KAZN: variants seen among roughly 807,000 people sequenced by gnomAD.
KAZN encodes kazrin, periplakin interacting protein.
KAZN carries 40 observed loss-of-function variants against 87.4 expected under a neutral mutation model. The ratio of observed to expected loss-of-function variants is 0.46; its 90% CI spans 0.36 to 0.60. The LOEUF (loss-of-function observed/expected upper bound fraction) is 0.60. KAZN is among the 20% of genes least tolerant of loss of function. KAZN has a pLI of 0.00. For synonymous variants in KAZN, 466 were observed against 458.3 expected (o/e 1.02, Z -0.22); for missense variants, 898 against 1,073.9 (o/e 0.84, Z 2.29).
chr1:13,898,097 C>A (rs908464265), intron 1 of KAZN, among the ~76,000 whole-genome samples: 1 of 152,184 alleles, frequency 6.6e-6, no homozygotes, highest in Admixed American at 6.5e-5. Flanking sequence ...CTGCTGATAT[C>A]GTAATATTCA....
At chr1:14,442,861 T>C (rs1231083657) in intron 2 of KAZN, among the ~76,000 whole-genome samples, 1 of 152,234 alleles carries the variant, frequency 6.6e-6, no homozygotes, top group Non-Finnish European at 1.5e-5. Context: ...AGTTTAGCCC[T>C]ACAGCACCAG....
chr1:14,576,908 T>A (rs912652438), intron 2 of KAZN, among the ~76,000 whole-genome samples: 1 of 152,246 alleles, frequency 6.6e-6, no homozygotes, highest in Non-Finnish European at 1.5e-5. Flanking sequence ...TTCCTGCCTA[T>A]ATCCTACCCA....
At chr1:14,678,189 C>A (rs924865482) in intron 1 of KAZN, among the ~76,000 whole-genome samples, 1 of 152,076 alleles carries the variant, frequency 6.6e-6, no homozygotes, top group Admixed American at 6.5e-5. Flanking sequence ...TCAGGAAGAC[C>A]CACCCACAGG....
rs970725935 is a variant in KAZN, at chr1:14,735,183, A to G, written c.226+135960A>G. Among the ~76,000 whole-genome samples the G allele has an allele frequency of 2.4e-4, 36 of 152,010 alleles. No individual in the cohort carries two copies. The highest frequency in any genetic ancestry group is 7.7e-4 in the African/African-American group (32 of 41,406). ...CACTCCATTCTCCTGCCTCAGCCTCAGGAGCAGCTGGGACTACAGGCACCC... is the reference window on the plus strand; with the variant it reads ...CACTCCATTCTCCTGCCTCAGCCTCGGGAGCAGCTGGGACTACAGGCACCC... On this transcript the variant is annotated intron_variant, in intron 1 of 14. Coordinates refer to ENST00000376030, the MANE Select transcript of KAZN (RefSeq NM_201628.3). The surrounding 1 kb of genome is among the most constrained non-coding windows in gnomAD (Gnocchi z 4.3).
At chr1:14,466,611 C>A (rs1668145046) in intron 2 of KAZN, among the ~76,000 whole-genome samples, 1 of 149,568 alleles carries the variant, frequency 6.7e-6, no homozygotes. Flanking sequence ...ATTACCTATG[C>A]AACAAACCTT....
At chr1:14,389,370 G>A (rs1057200699) in intron 2 of KAZN, among the ~76,000 whole-genome samples, 2 of 152,112 alleles carry the variant, frequency 1.3e-5, no homozygotes, top group Non-Finnish European at 2.9e-5. Context: ...TGAAAAGAAA[G>A]GAAATCTGTA....
chr1:14,289,709 T>G (rs1653533457), intron 2 of KAZN, among the ~76,000 whole-genome samples: 1 of 152,190 alleles, frequency 6.6e-6, no homozygotes, highest in African/African-American at 2.4e-5. Flanking sequence ...ATGTGTGAGT[T>G]TGATCCTGTC....
At chr1:14,004,084 A>G (rs1469655372) in intron 1 of KAZN, among the ~76,000 whole-genome samples, 4 of 146,538 alleles carry the variant, frequency 2.7e-5, no homozygotes, top group East Asian at 4.0e-4. Context: ...TCACCTCCCA[A>G]AAGAGGATAT....
At chr1:14,364,357 G>A (rs916924968) in intron 2 of KAZN, among the ~76,000 whole-genome samples, 8 of 152,216 alleles carry the variant, frequency 5.3e-5, no homozygotes, top group Middle Eastern at 3.4e-3. Flanking sequence ...AATTATAGCC[G>A]CTGCCTCCTA....
At chr1:14,633,856 T>C (rs747093656) in intron 1 of KAZN, among the ~76,000 whole-genome samples, 2 of 151,040 alleles carry the variant, frequency 1.3e-5, no homozygotes, top group African/African-American at 2.5e-5. Context: ...AGAAACAGCA[T>C]TTGCGCGCGC....
intron 2 of KAZN, among the ~76,000 whole-genome samples, chr1:14,435,516 G>A (rs1666330643): frequency 1.3e-5 from 2 of 152,168 alleles, no homozygotes; most frequent in African/African-American, 4.8e-5. Context: ...CTGCCCGCAG[G>A]GATGTCCTGC....
At chr1:14,104,259 C>G (rs1243738823) in intron 1 of KAZN, among the ~76,000 whole-genome samples, 2 of 152,214 alleles carry the variant, frequency 1.3e-5, no homozygotes, top group Non-Finnish European at 2.9e-5. Flanking sequence ...CAAGGAGCAC[C>G]TGGTCTCCTG....
chr1:14,592,175 AG>A (rs1213129386), intron 2 of KAZN, among the ~76,000 whole-genome samples: 1 of 152,180 alleles, frequency 6.6e-6, no homozygotes, highest in Non-Finnish European at 1.5e-5. Context: ...TCTCCTAGAT[AG>A]GCCAGGATTC....
chr1:14,539,671 C>T (rs897408200), intron 2 of KAZN, among the ~76,000 whole-genome samples: 7 of 151,712 alleles, frequency 4.6e-5, no homozygotes, highest in African/African-American at 1.7e-4. Context: ...CATGATATTG[C>T]AGTGTGTATC....
chr1:14,802,627 C>T (rs974109083), intron 1 of KAZN, among the ~76,000 whole-genome samples: 6 of 152,192 alleles, frequency 3.9e-5, no homozygotes, highest in Non-Finnish European at 2.9e-5. Flanking sequence ...GCTGGGAAAC[C>T]TGCTCCTGTG....
chr1:14,162,547 C>CA (rs1356864151), intron 1 of KAZN, among the ~76,000 whole-genome samples: 2 of 138,814 alleles, frequency 1.4e-5, no homozygotes, highest in Non-Finnish European at 3.1e-5. Flanking sequence ...TTTCTTTTTT[C>CA]TTTTTTTTTT....
intron 1 of KAZN, among the ~76,000 whole-genome samples, chr1:14,168,419 G>A (rs1244883409): frequency 2.6e-5 from 4 of 151,860 alleles, no homozygotes; most frequent in Non-Finnish European, 5.9e-5. Context: ...GACGCTGAAT[G>A]TGAAAGCGTT....
intron 1 of KAZN, among the ~76,000 whole-genome samples, chr1:13,936,095 A>ATTTTTTTTTTTTTTT (rs1557731876): frequency 1.5e-4 from 5 of 32,898 alleles, no homozygotes; most frequent in South Asian, 2.3e-3. Flanking sequence ...GTACAAGTGC[A>ATTTTTTTTTTTTTTT]GTTTTTTTTT....
intron 1 of KAZN, among the ~76,000 whole-genome samples, chr1:14,808,248 A>G (rs74059395): frequency 0.013 from 1,940 of 150,038 alleles, 48 homozygotes; most frequent in African/African-American, 0.045. Context: ...CCTTTGTGCA[A>G]CTCTCAGGGG....
Sources: gnomAD v4.1 joint callset for allele counts (sites outside exome capture counted in the v4.1 genomes callset) on GRCh38, gnomAD v4.1.1 for gene constraint, Gnocchi (gnomAD v3.1) non-coding constraint, MANE v1.5 for transcripts, NCBI Gene and HGNC (gene_info 2026-07-23, HGNC 2026-07-21) for gene names.